FBXW7: variants seen among roughly 807,000 people sequenced by gnomAD.
FBXW7 encodes F-box and WD repeat domain containing 7.
In FBXW7, 11 loss-of-function variants were observed where a neutral mutation model predicts 86.3. The ratio of observed to expected loss-of-function variants is 0.13; its 90% confidence interval spans 0.08 to 0.21. FBXW7 has a LOEUF of 0.21. Ranked by LOEUF, FBXW7 falls within the 10% of genes least tolerant of loss-of-function variation. The pLI, the probability that FBXW7 is intolerant of heterozygous loss-of-function variation, is 1.00. For missense variants in FBXW7, 488 were observed against 847.4 expected, an observed-to-expected ratio of 0.58 and a Z score of 5.27; for synonymous variants, 313 against 297.9, an observed-to-expected ratio of 1.05 and a Z score of -0.52.
intron 4 of FBXW7, among the ~76,000 whole-genome samples, chr4:152,371,957 A>T (rs1734041018): frequency 6.6e-6 from 1 of 151,948 alleles, no homozygotes; most frequent in South Asian, 2.1e-4. Flanking sequence ...CAGTAGCAAC[A>T]CACACAGAGA....
At chr4:152,496,614 G>A (rs2149692687) in intron 2 of FBXW7, among the ~76,000 whole-genome samples, 1 of 151,616 alleles carries the variant, frequency 6.6e-6, no homozygotes, top group South Asian at 2.1e-4. Flanking sequence ...GGAGGCGGAG[G>A]TTGCAGTGAG....
intron 2 of FBXW7, among the ~76,000 whole-genome samples, chr4:152,454,254 C>G (rs1048949376): frequency 2.4e-5 from 3 of 123,224 alleles, no homozygotes; most frequent in South Asian, 6.1e-4. Context: ...TCTCTAAGCC[C>G]CCCCCCCCTT....
At chr4:152,390,487 A>G (rs1653086706) in intron 4 of FBXW7, among the ~76,000 whole-genome samples, 1 of 152,052 alleles carries the variant, frequency 6.6e-6, no homozygotes, top group Admixed American at 6.6e-5. Flanking sequence ...TTATAGTTAC[A>G]CCTTTAAGTC....
At chr4:152,456,277 G>C (rs1329755599) in intron 2 of FBXW7, among the ~76,000 whole-genome samples, 2 of 151,142 alleles carry the variant, frequency 1.3e-5, no homozygotes, top group Non-Finnish European at 2.9e-5. Flanking sequence ...ACTTCTGGAG[G>C]CTGAAGTGGA....
At chr4:152,510,317 C>T (rs1747842240) in intron 2 of FBXW7, among the ~76,000 whole-genome samples, 1 of 152,188 alleles carries the variant, frequency 6.6e-6, no homozygotes, top group Non-Finnish European at 1.5e-5. Context: ...GGAAGAACAA[C>T]TGCTGATTCA....
At chr4:152,362,828 CAA>C (rs35796895) in intron 4 of FBXW7, among the ~76,000 whole-genome samples, 1 of 79,138 alleles carries the variant, frequency 1.3e-5, no homozygotes, top group Non-Finnish European at 2.2e-5. Flanking sequence ...CTCTCTCTCT[CAA>C]AAAAAAAAAA....
chr4:152,425,340 A>G (rs1195859693), intron 2 of FBXW7, among the ~76,000 whole-genome samples: 3 of 152,208 alleles, frequency 2.0e-5, no homozygotes, highest in African/African-American at 7.2e-5. Context: ...CAGCAAAACC[A>G]AACATCTCAC....
At chr4:152,437,252 C>T (rs1359639244) in intron 2 of FBXW7, among the ~76,000 whole-genome samples, 1 of 151,910 alleles carries the variant, frequency 6.6e-6, no homozygotes, top group Non-Finnish European at 1.5e-5. Context: ...TTCAAGACTT[C>T]AGTGGAGGGC....
chr4:152,378,042 T>C (rs181358481), intron 4 of FBXW7, among the ~76,000 whole-genome samples: 2 of 152,252 alleles, frequency 1.3e-5, no homozygotes, highest in Admixed American at 6.5e-5. Context: ...TTAAGTACTG[T>C]CTGTGGCTGC....
At chr4:152,515,919 T>C (rs1172846103) in intron 2 of FBXW7, among the ~76,000 whole-genome samples, 3 of 152,186 alleles carry the variant, frequency 2.0e-5, no homozygotes, top group Non-Finnish European at 4.4e-5. Context: ...CTTGGCCACA[T>C]GGCAAGAACA....
In FBXW7 at chr4:152,514,680, C is replaced by G. The variant is rs537449974; in HGVS notation, c.-120+20261G>C. Among the ~76,000 whole-genome samples, 4 of 152,264 alleles carry G rather than the reference C, an allele frequency of 2.6e-5. No individual in the cohort carries two copies. The South Asian group carries it at 8.3e-4, about 32-fold the overall frequency. ...GAGCTTGGCACCCCCTCTCCTCTTT[C>G]TCTCCTTTCCTGCCTCACCATGTGA... On this transcript the variant is annotated intron_variant, in intron 2 of 13. Transcript: ENST00000281708.
At chr4:152,385,633 C>A (rs1735460801) in intron 4 of FBXW7, among the ~76,000 whole-genome samples, 1 of 151,974 alleles carries the variant, frequency 6.6e-6, no homozygotes, top group Admixed American at 6.6e-5. Context: ...ACAATGACAA[C>A]AGAAACAAAA....
At chr4:152,477,427 T>C (rs1579306951) in intron 2 of FBXW7, among the ~76,000 whole-genome samples, 1 of 152,116 alleles carries the variant, frequency 6.6e-6, no homozygotes, top group Admixed American at 6.6e-5. Flanking sequence ...CTATACGCAT[T>C]TGGAAATCTT....
intron 4 of FBXW7, among the ~76,000 whole-genome samples, chr4:152,409,295 AAAG>A (rs776218766): frequency 6.6e-6 from 1 of 152,294 alleles, no homozygotes; most frequent in South Asian, 2.1e-4. Flanking sequence ...CTCAAAAGTC[AAAG>A]AAGACTTGAA....
intron 4 of FBXW7, among the ~76,000 whole-genome samples, chr4:152,359,860 G>C (rs995181918): frequency 6.6e-6 from 1 of 152,148 alleles, no homozygotes; most frequent in Non-Finnish European, 1.5e-5. Context: ...TCAGAAAATG[G>C]AGAAGTTATT....
At chr4:152,385,444 T>C (rs75098312) in intron 4 of FBXW7, among the ~76,000 whole-genome samples, 2,439 of 152,034 alleles carry the variant, frequency 0.016, 74 homozygotes, top group African/African-American at 0.056. Flanking sequence ...TGCAGACATT[T>C]TAAAGATAAG....
At chr4:152,462,577 G>T (rs1185437946) in intron 2 of FBXW7, among the ~76,000 whole-genome samples, 1 of 152,202 alleles carries the variant, frequency 6.6e-6, no homozygotes, top group Non-Finnish European at 1.5e-5. Flanking sequence ...GCCACTGAAA[G>T]ACAGGAGGCG....
chr4:152,522,521 C>T (rs1749117690), intron 2 of FBXW7, among the ~76,000 whole-genome samples: 1 of 152,078 alleles, frequency 6.6e-6, no homozygotes, highest in Admixed American at 6.6e-5. Context: ...GCTGGGTTTC[C>T]CAATGTTGCT....
intron 2 of FBXW7, among the ~76,000 whole-genome samples, chr4:152,468,741 T>C (rs967319991): frequency 2.6e-5 from 4 of 152,094 alleles, no homozygotes; most frequent in African/African-American, 7.2e-5. Context: ...TTCATCTCAA[T>C]AAAACTGTCA....
Sources: allele counts gnomAD v4.1 joint callset (sites outside exome capture counted in the v4.1 genomes callset), GRCh38; gene constraint gnomAD v4.1.1; transcripts MANE v1.5; gene names NCBI Gene and HGNC (gene_info 2026-07-23, HGNC 2026-07-21).